Variants in DLAT observed in about 807,000 individuals in gnomAD.
The protein encoded by DLAT is dihydrolipoamide S-acetyltransferase, also known as dihydrolipoyllysine-residue acetyltransferase component of pyruvate dehydrogenase complex, mitochondrial.
DLAT carries 43 observed loss-of-function variants against 68.0 expected under a neutral mutation model. The observed-to-expected ratio is 0.63, with a 90% CI of 0.50 to 0.81. The LOEUF (loss-of-function observed/expected upper bound fraction) is 0.81. DLAT is among the 40% of genes least tolerant of loss of function. The probability of loss-of-function intolerance (pLI) is 0.00; values close to 1 mark genes in which losing one functional copy is unlikely to be tolerated. For missense variants in DLAT, 745 were observed against 815.4 expected (o/e 0.91, Z 1.05); for synonymous variants, 265 against 288.6 (o/e 0.92, Z 0.83).
At chr11:112,036,201 G>GTGTGTGTGTTTTTTTTTTT (rs1555180455) in intron 5 of DLAT, among the ~76,000 whole-genome samples, 1 of 36,474 alleles carries the variant, frequency 2.7e-5, no homozygotes, top group Non-Finnish European at 5.1e-5. Flanking sequence ...GTGTGTGTGT[G>GTGTGTGTGTTTTTTTTTTT]TTTTTTTTTT....
chr11:112,028,628 C>T lies in DLAT; in HGVS notation c.495C>T (p.Ile165=). The T allele has an allele frequency of 6.2e-7, 1 of 1,614,104 alleles. No homozygotes were observed. The highest frequency in any genetic ancestry group is 8.5e-7 in the Non-Finnish European group (1 of 1,180,014). The change falls in exon 3 of 14, where the codon ATC becomes ATT. Residue 165 remains isoleucine, a synonymous_variant. Coordinates refer to ENST00000280346, the MANE Select transcript of DLAT (RefSeq NM_001931.5). Reference sequence around the variant, plus strand: ...TTCCCATCGGAGCGATCATCTGTATCACAGTTGGCAAGTGAGTAGTGCGCT... The same window carrying T: ...TTCCCATCGGAGCGATCATCTGTATTACAGTTGGCAAGTGAGTAGTGCGCT... ...RDVPIGAIIC[I]TVGKPEDIEA...
intron 7 of DLAT, 125 bp downstream of exon 7, chr11:112,039,522 T>A: frequency 9.8e-7 from 1 of 1,017,722 alleles, no homozygotes; most frequent in Non-Finnish European, 1.5e-6. Context: ...CAATCATTAA[T>A]AATTCCTTCA....
chr11:112,036,969 T>C, intron 5 of DLAT: 1 of 360,836 alleles, frequency 2.8e-6, no homozygotes, highest in Non-Finnish European at 5.1e-6. Context: ...TAATCTTTCA[T>C]AGTTTTATTG....
chr11:112,050,563 T>G (rs1436880766), intron 10 of DLAT, among the ~76,000 whole-genome samples: 1 of 152,196 alleles, frequency 6.6e-6, no homozygotes, highest in Non-Finnish European at 1.5e-5. Context: ...TAGTTATAGG[T>G]CTATTCAGAG....
chr11:112,033,321 T>C, intron 4 of DLAT, 83 bp from the exon 5 acceptor site: 2 of 1,541,040 alleles, frequency 1.3e-6, no homozygotes, highest in Non-Finnish European at 1.8e-6. Context: ...ACCATCATTC[T>C]ATGAAACCAC....
chr11:112,051,444 C>G lies in DLAT; in HGVS notation c.1514+95C>G, dbSNP rs1053764686. On this transcript the variant is annotated intron_variant, in intron 11 of 13. Transcript: ENST00000280346. This position sits in a 1 kb window ranked among gnomAD's most constrained non-coding sequence, Gnocchi z 4.3. Reference sequence around the variant, plus strand: ...TGAGGGGATAAGGAGAAATGGAATACAGAGAGGCAGATGACTTACATAGGT... The same window carrying G: ...TGAGGGGATAAGGAGAAATGGAATAGAGAGAGGCAGATGACTTACATAGGT... The G allele has an allele frequency of 1.1e-6, 1 of 887,186 alleles. No individual in the cohort carries two copies. The allele number at this position is 887,186 out of a possible 1,614,324, so 55.0% of individuals were successfully genotyped here. A position where few individuals can be genotyped will look rare whatever the true frequency, so the allele number is the denominator to read the frequency against.
At chr11:112,040,483 T>C (rs1437608160) in intron 7 of DLAT, among the ~76,000 whole-genome samples, 5 of 152,188 alleles carry the variant, frequency 3.3e-5, no homozygotes, top group African/African-American at 4.8e-5. Flanking sequence ...GCCTTCTGTT[T>C]TGATGCTCTG....
Position 112,063,205 on chromosome 11 carries a change from T to G in DLAT, c.*670T>G, listed in dbSNP as rs1864742916. The G allele has an allele frequency of 6.6e-6, 1 of 152,250 alleles. No individual in the cohort carries two copies. The highest frequency in any genetic ancestry group is 2.4e-5 in the African/African-American group (1 of 41,466). The allele number at this position is 152,250 out of a possible 1,614,324, so 9.4% of individuals were successfully genotyped here. ...GATAATCTAAATATAAACCAGCTAC[T>G]TGATGTAACTGAGAATTTGTGTGGA... On this transcript the variant is annotated 3_prime_UTR_variant, in exon 14 of 14. Transcript: ENST00000280346.
chr11:112,026,991 G>A (rs1862065598), intron 2 of DLAT, among the ~76,000 whole-genome samples: 1 of 151,300 alleles, frequency 6.6e-6, no homozygotes. Flanking sequence ...TGGGCGGGGG[G>A]CTGGCCCCAC....
chr11:112,052,232 G>T (rs1863685555), intron 11 of DLAT, among the ~76,000 whole-genome samples: 1 of 152,014 alleles, frequency 6.6e-6, no homozygotes. Flanking sequence ...GGTGGGGAGG[G>T]TTTCCCCACA....
intron 10 of DLAT, among the ~76,000 whole-genome samples, chr11:112,050,322 CTT>C (rs781892275): frequency 7.1e-6 from 1 of 140,552 alleles, no homozygotes. Context: ...TTAGTGTGTA[CTT>C]TTTTTTTTTT....
In DLAT at chr11:112,045,946, G is replaced by T. The variant is rs147264946; in HGVS notation, c.1374G>T (p.Leu458Phe). ...LSIDVNMGEVLLVRKELNKIL... is the reference protein window; with the variant it reads ...LSIDVNMGEVFLVRKELNKIL... ...TCGATGTAAATATGGGAGAAGTTTT[G>T]TTGGTACGGAAAGAACTTAATAAGG... The change falls in exon 10 of 14, where the codon TTG becomes TTT. Residue 458 changes from leucine (L) to phenylalanine (F), a missense_variant. Transcript: ENST00000280346. The T allele has an allele frequency of 6.8e-6, 11 of 1,606,476 alleles. No homozygotes were observed. The highest frequency in any genetic ancestry group is 3.3e-4 in the Middle Eastern group (2 of 6,038).
intron 4 of DLAT, chr11:112,029,932 C>A: frequency 1.3e-6 from 1 of 756,434 alleles, no homozygotes. Context: ...AGAAGTCCAT[C>A]AGTGATTTTT....
At chr11:112,033,770 T>A (rs1374510313) in intron 5 of DLAT, among the ~76,000 whole-genome samples, 1 of 152,204 alleles carries the variant, frequency 6.6e-6, no homozygotes, top group Non-Finnish European at 1.5e-5. Flanking sequence ...CAGGCTGGAG[T>A]GCGGTGGCAA....
At position 112,029,095 on chromosome 11, in the gene DLAT, A is replaced by G; in HGVS notation, c.660+150A>G. ...ATAGGTTTAAACATGAAGATTGACAACTATTCTTCCTGGTTGTTATTTCCA... is the reference window on the plus strand; with the variant it reads ...ATAGGTTTAAACATGAAGATTGACAGCTATTCTTCCTGGTTGTTATTTCCA... On this transcript the variant is annotated intron_variant, in intron 4 of 13. Transcript: ENST00000280346. The G allele has an allele frequency of 5.6e-6, 5 of 889,740 alleles. No homozygotes were observed. The South Asian group carries it at 7.5e-5, about 13-fold the overall frequency. The allele number at this position is 889,740 out of a possible 1,614,324, so 55.1% of individuals were successfully genotyped here.
At chr11:112,035,179 T>C (rs1365198038) in intron 5 of DLAT, among the ~76,000 whole-genome samples, 1 of 152,138 alleles carries the variant, frequency 6.6e-6, no homozygotes, top group African/African-American at 2.4e-5. Context: ...GTTCTTCAAA[T>C]CCCATCATTC....
Position 112,062,593 on chromosome 11 carries a change from T to C in DLAT, c.*58T>C. 1 of 1,574,488 alleles carries C rather than the reference T, an allele frequency of 6.4e-7. No individual in the cohort carries two copies. The highest frequency in any genetic ancestry group is 1.3e-5 in the African/African-American group (1 of 74,138). ...ACACTGATTCATTCTTAACAAGATA[T>C]TTATATGTTATTAAACAGGTGGTTC... On this transcript the variant is annotated 3_prime_UTR_variant, in exon 14 of 14. Coordinates refer to ENST00000280346, the MANE Select transcript of DLAT (RefSeq NM_001931.5).
chr11:112,034,524 G>A (rs1292103164), intron 5 of DLAT, among the ~76,000 whole-genome samples: 1 of 151,442 alleles, frequency 6.6e-6, no homozygotes, highest in Non-Finnish European at 1.5e-5. Flanking sequence ...CTCACTGCAA[G>A]CTCCACCTCC....
At chr11:112,036,414 C>T (rs1283949309) in intron 5 of DLAT, among the ~76,000 whole-genome samples, 15 of 147,474 alleles carry the variant, frequency 1.0e-4, no homozygotes, top group African/African-American at 3.0e-4. Flanking sequence ...GGTTTCTCCA[C>T]GTTGGTCAGG....
Sources: allele counts gnomAD v4.1 joint callset (sites outside exome capture counted in the v4.1 genomes callset), GRCh38; gene constraint gnomAD v4.1.1; non-coding constraint Gnocchi (gnomAD v3.1); transcripts MANE v1.5; gene names NCBI Gene and HGNC (gene_info 2026-07-23, HGNC 2026-07-21).